The following ADIPOR2 variants were observed in gnomAD, a reference collection of about 807,000 sequenced individuals.
ADIPOR2 encodes adiponectin receptor 2, also known as adiponectin receptor protein 2.
Under a neutral mutation model 40.9 loss-of-function variants are expected in ADIPOR2, and 18 were observed. The observed-to-expected ratio is 0.44, with a 90% CI of 0.30 to 0.65. The LOEUF is 0.65. Ranked by LOEUF, ADIPOR2 falls within the 30% of genes least tolerant of loss-of-function variation. The pLI, the probability that ADIPOR2 is intolerant of heterozygous loss-of-function variation, is 0.09. For missense variants in ADIPOR2, 283 were observed against 479.2 expected (o/e 0.59, Z 3.82); for synonymous variants, 165 against 166.4 (o/e 0.99, Z 0.06).
chr12:1,737,019 T>G (rs960524840), intron 1 of ADIPOR2, among the ~76,000 whole-genome samples: 1 of 152,194 alleles, frequency 6.6e-6, no homozygotes, highest in Non-Finnish European at 1.5e-5. Context: ...AGGGCCCGAT[T>G]TTGAACTTTT....
intron 7 of ADIPOR2, 98 bp from the exon 8 acceptor site, chr12:1,785,843 TCTG>T (rs1196112910): frequency 1.4e-6 from 2 of 1,461,158 alleles, no homozygotes; most frequent in African/African-American, 2.8e-5. Flanking sequence ...TTCCCTGCCT[TCTG>T]CTCAGCATAA....
At chr12:1,707,907 T>A (rs12230579) in intron 1 of ADIPOR2, among the ~76,000 whole-genome samples, 41,382 of 152,114 alleles carry the variant, frequency 0.27, 6,263 homozygotes, top group Admixed American at 0.44. Context: ...AATTACTGAG[T>A]TACAAGTTCT....
intron 1 of ADIPOR2, among the ~76,000 whole-genome samples, chr12:1,693,810 G>GGT (rs1194163972): frequency 6.6e-6 from 1 of 152,096 alleles, no homozygotes; most frequent in Non-Finnish European, 1.5e-5. Context: ...TGGGATTACA[G>GGT]GTGTGAGCAA....
chr12:1,694,796 G>A (rs1168651282), intron 1 of ADIPOR2, among the ~76,000 whole-genome samples: 3 of 152,078 alleles, frequency 2.0e-5, no homozygotes, highest in Admixed American at 1.3e-4. Context: ...TGCATATTCA[G>A]AATTTAAAAA....
chr12:1,699,465 T>A (rs1484923590), intron 1 of ADIPOR2, among the ~76,000 whole-genome samples: 2 of 151,866 alleles, frequency 1.3e-5, no homozygotes, highest in African/African-American at 4.8e-5. Context: ...CTGAAAATAC[T>A]AAAACAAAAC....
At chr12:1,749,803 A>G (rs147648881) in intron 1 of ADIPOR2, among the ~76,000 whole-genome samples, 10 of 151,812 alleles carry the variant, frequency 6.6e-5, no homozygotes, top group Non-Finnish European at 1.0e-4. Context: ...ATTGCTGAGA[A>G]CATAGTATAA....
intron 1 of ADIPOR2, among the ~76,000 whole-genome samples, chr12:1,719,969 G>A (rs915745974): frequency 1.3e-5 from 2 of 152,128 alleles, no homozygotes; most frequent in Non-Finnish European, 2.9e-5. Flanking sequence ...GAGCCACCGT[G>A]TCTGTCCTCT....
At chr12:1,773,020 ACCTTT>A (rs1862519100) in intron 3 of ADIPOR2, 59 bp downstream of exon 3, 28 of 1,572,632 alleles carry the variant, frequency 1.8e-5, no homozygotes, top group Non-Finnish European at 2.3e-5. Context: ...CAAAACAGAA[ACCTTT>A]AAAGAGAGTG....
At chr12:1,723,463 GAAAAA>G (rs58233234) in intron 1 of ADIPOR2, among the ~76,000 whole-genome samples, 2,902 of 106,138 alleles carry the variant, frequency 0.027, 100 homozygotes, top group Admixed American at 0.12. Context: ...CGTCTCTACT[GAAAAA>G]AAAAAAAAAA....
At chr12:1,778,367 TTAC>T (rs1862642720) in intron 4 of ADIPOR2, 1 of 184,188 alleles carries the variant, frequency 5.4e-6, no homozygotes, top group Admixed American at 6.0e-5. Flanking sequence ...TTAAAATGCA[TTAC>T]TTATATGCAC....
chr12:1,719,836 A>T (rs768793489), intron 1 of ADIPOR2, among the ~76,000 whole-genome samples: 77 of 151,972 alleles, frequency 5.1e-4, no homozygotes, highest in Admixed American at 9.8e-4. Context: ...CACCATGCCC[A>T]GCTAATTGTT....
At chr12:1,733,485 T>C (rs1366817163) in intron 1 of ADIPOR2, among the ~76,000 whole-genome samples, 4 of 152,212 alleles carry the variant, frequency 2.6e-5, no homozygotes, top group African/African-American at 4.8e-5. Flanking sequence ...AGTACAATTA[T>C]TGGATCAGAG....
chr12:1,727,352 A>G (rs1457938864), intron 1 of ADIPOR2, among the ~76,000 whole-genome samples: 2 of 152,214 alleles, frequency 1.3e-5, no homozygotes, highest in Non-Finnish European at 2.9e-5. Flanking sequence ...GCCTAAGCAT[A>G]AATTAGTTTG....
intron 1 of ADIPOR2, among the ~76,000 whole-genome samples, chr12:1,698,895 TAGG>T (rs1158491547): frequency 4.1e-4 from 63 of 152,240 alleles, no homozygotes; most frequent in African/African-American, 1.5e-3. Context: ...GTTTATCTGA[TAGG>T]AGGTTAAGCA....
intron 1 of ADIPOR2, among the ~76,000 whole-genome samples, chr12:1,741,269 G>T (rs913391603): frequency 6.6e-6 from 1 of 152,122 alleles, no homozygotes; most frequent in East Asian, 1.9e-4. Flanking sequence ...AGGTATGAGA[G>T]TAGAGGATAG....
chr12:1,782,148 C>A (rs1284147450), intron 6 of ADIPOR2, among the ~76,000 whole-genome samples: 1 of 152,184 alleles, frequency 6.6e-6, no homozygotes, highest in Non-Finnish European at 1.5e-5. Flanking sequence ...TCTAGCAAAT[C>A]TTTCCTTAGA....
rs557391251 is a variant in ADIPOR2, at chr12:1,762,272, A to G, written c.171+7758A>G. 1.4e-4 allele frequency among the ~76,000 whole-genome samples: 21 copies of G among 152,328 alleles called. No homozygotes were observed. In the East Asian group the frequency reaches 3.7e-3, roughly 27 times the overall value. On this transcript the variant is annotated intron_variant, in intron 2 of 7. Coordinates refer to ENST00000357103, the MANE Select transcript of ADIPOR2 (RefSeq NM_024551.3). ...TTTATTTTCCATTACAATGCGTATCATGACATATATTTGTGTGACATATAT... is the reference window on the plus strand; with the variant it reads ...TTTATTTTCCATTACAATGCGTATCGTGACATATATTTGTGTGACATATAT...
intron 1 of ADIPOR2, among the ~76,000 whole-genome samples, chr12:1,738,513 C>T (rs1429233012): frequency 2.0e-5 from 3 of 152,190 alleles, no homozygotes; most frequent in Non-Finnish European, 2.9e-5. Context: ...AGGAGTTTCT[C>T]CTTCTTCCTA....
At chr12:1,726,280 C>T (rs1166815845) in intron 1 of ADIPOR2, among the ~76,000 whole-genome samples, 5 of 152,134 alleles carry the variant, frequency 3.3e-5, no homozygotes, top group Admixed American at 2.0e-4. Context: ...TCACTGCAAC[C>T]TCTGCTTCCT....
Sources: gnomAD v4.1 joint callset for allele counts (sites outside exome capture counted in the v4.1 genomes callset) on GRCh38, gnomAD v4.1.1 for gene constraint, MANE v1.5 for transcripts, NCBI Gene and HGNC (gene_info 2026-07-23, HGNC 2026-07-21) for gene names.